Variants in AIG1 observed in about 807,000 individuals in gnomAD.
The protein encoded by AIG1 is androgen induced 1.
In AIG1, 23 loss-of-function variants were observed where a neutral mutation model predicts 31.4. The observed-to-expected ratio is 0.73, with a 90% CI of 0.53 to 1.04. The LOEUF is 1.04. Ranked by LOEUF, AIG1 falls within the 50% of genes least tolerant of loss-of-function variation. AIG1 has a pLI of 0.00. For missense variants in AIG1, 274 were observed against 295.0 expected (o/e 0.93, Z 0.52); for synonymous variants, 100 against 110.5 (o/e 0.90, Z 0.60).
At position 143,268,953 on chromosome 6, in the gene AIG1, A is replaced by C. The variant is rs1388565530; in HGVS notation, c.400-15157A>C. On this transcript the variant is annotated intron_variant, in intron 3 of 5. Coordinates refer to ENST00000357847, the MANE Select transcript of AIG1 (RefSeq NM_016108.4). The surrounding 1 kb of genome is among the most constrained non-coding windows in gnomAD (Gnocchi z 5.0). ...GCAGCCCTCATCCCATAACTGGTCC[A>C]TGCTGGGGTATAAAGACCTGACCCA... Among the ~76,000 whole-genome samples the C allele has an allele frequency of 6.6e-6, 1 of 152,154 alleles. No homozygotes were observed. Among genetic ancestry groups the C allele is most frequent in the Non-Finnish European group, 1.5e-5 (1 of 68,020 alleles).
At chr6:143,151,984 T>C (rs1410702383) in intron 2 of AIG1, among the ~76,000 whole-genome samples, 1 of 152,248 alleles carries the variant, frequency 6.6e-6, no homozygotes, top group African/African-American at 2.4e-5. Flanking sequence ...TGATGCATTA[T>C]TGCTCTTTAA....
chr6:143,196,389 ACACACACC>A lies in AIG1; in HGVS notation c.399+31208_399+31215del, dbSNP rs1471928271. ...CACACACACACACACACACACACAC[ACACACACC>A]CCAATTTGATAAGTTGGAAAACTGG... On this transcript the variant is annotated intron_variant, in intron 3 of 5. Coordinates refer to ENST00000357847, the MANE Select transcript of AIG1 (RefSeq NM_016108.4). Among the ~76,000 whole-genome samples, 464 of 135,274 alleles carry A rather than the reference ACACACACC, an allele frequency of 3.4e-3. 7 individuals carry two copies. The East Asian group carries it at 0.066, about 19-fold the overall frequency. 88.7% of individuals were successfully genotyped at this position (135,274 alleles called of 152,430 possible).
At chr6:143,306,072 T>G (rs947605759) in intron 4 of AIG1, among the ~76,000 whole-genome samples, 5 of 148,838 alleles carry the variant, frequency 3.4e-5, no homozygotes, top group African/African-American at 1.0e-4. Context: ...GTTTTCCATT[T>G]GCTTGGTAGA....
intron 3 of AIG1, among the ~76,000 whole-genome samples, chr6:143,200,053 T>C (rs1790572911): frequency 6.6e-6 from 1 of 152,166 alleles, no homozygotes; most frequent in Non-Finnish European, 1.5e-5. Flanking sequence ...TCTGGATGTC[T>C]CATTAGAGTA....
At chr6:143,250,478 A>G (rs776388648) in intron 3 of AIG1, among the ~76,000 whole-genome samples, 1 of 152,228 alleles carries the variant, frequency 6.6e-6, no homozygotes, top group African/African-American at 2.4e-5. Flanking sequence ...ATAACCTATT[A>G]TGGCAAAAGA....
chr6:143,245,079 T>G (rs1035183553), intron 3 of AIG1, among the ~76,000 whole-genome samples: 4 of 152,226 alleles, frequency 2.6e-5, no homozygotes, highest in African/African-American at 9.6e-5. Context: ...TGGAGAACGG[T>G]GGGTCACCCA....
In AIG1 at chr6:143,288,521, A is replaced by T. The variant is rs1337024698; in HGVS notation, c.515+4296A>T. Among the ~76,000 whole-genome samples the T allele has an allele frequency of 2.6e-5, 4 of 152,186 alleles. No homozygotes were observed. The highest frequency in any genetic ancestry group is 5.9e-5 in the Non-Finnish European group (4 of 68,036). ...TGAGTGTATTTAAAGCAAAATAGAG[A>T]TGTCTGTTGTCTCTGCACCCTAGTG... On this transcript the variant is annotated intron_variant, in intron 4 of 5. Transcript: ENST00000357847. The surrounding 1 kb of genome is among the most constrained non-coding windows in gnomAD (Gnocchi z 4.4).
intron 2 of AIG1, among the ~76,000 whole-genome samples, chr6:143,152,704 G>A (rs1785346647): frequency 6.6e-6 from 1 of 152,174 alleles, no homozygotes; most frequent in African/African-American, 2.4e-5. Flanking sequence ...GATCTCACCT[G>A]TGTGAGGCAT....
Position 143,136,824 on chromosome 6 carries a change from T to TC in AIG1, c.142-6dup. The TC allele has an allele frequency of 7.3e-7, 1 of 1,368,606 alleles. No homozygotes were observed. Among genetic ancestry groups the TC allele is most frequent in the South Asian group, 2.1e-5 (1 of 46,522 alleles). 84.8% of individuals were successfully genotyped at this position (1,368,606 alleles called of 1,614,324 possible). The stretch of plus-strand genomic sequence containing the variant: ...TCTTAATGACTCATACCGGCTGTTG[T>TC]CCCCCTACAGGTTATCCAGGCTGTC... On this transcript the variant is annotated splice_polypyrimidine_tract_variant and intron_variant, in intron 1 of 5. Transcript: ENST00000357847.
chr6:143,318,805 A>C (rs967498850), intron 4 of AIG1, among the ~76,000 whole-genome samples: 7 of 152,168 alleles, frequency 4.6e-5, no homozygotes, highest in Admixed American at 4.6e-4. Flanking sequence ...TCCCATTAAA[A>C]AGTGGGCTAA....
Position 143,293,945 on chromosome 6 carries a change from C to G in AIG1, c.515+9720C>G, listed in dbSNP as rs1009888521. Among the ~76,000 whole-genome samples, 1 of 152,140 alleles carries G rather than the reference C, an allele frequency of 6.6e-6. No homozygotes were observed. The highest frequency in any genetic ancestry group is 6.6e-5 in the Admixed American group (1 of 15,264). On this transcript the variant is annotated intron_variant, in intron 4 of 5. Transcript: ENST00000357847. The surrounding 1 kb of genome is among the most constrained non-coding windows in gnomAD (Gnocchi z 4.8). ...CCCCTCCACCTCCACCTCACTCTCC[C>G]AGTCCTCCCAGCAGATGGCCTGGCC...
At chr6:143,066,796 G>A (rs961396764) in intron 1 of AIG1, among the ~76,000 whole-genome samples, 1 of 152,146 alleles carries the variant, frequency 6.6e-6, no homozygotes. Flanking sequence ...AAGAAAGGAG[G>A]TATAACAATT....
intron 1 of AIG1, among the ~76,000 whole-genome samples, chr6:143,113,559 C>A (rs959431022): frequency 3.3e-5 from 5 of 150,152 alleles, no homozygotes; most frequent in African/African-American, 1.2e-4. Context: ...GCCGAGATCA[C>A]GCCACTGCAC....
chr6:143,081,376 C>T (rs1047208461), intron 1 of AIG1, among the ~76,000 whole-genome samples: 1 of 152,088 alleles, frequency 6.6e-6, no homozygotes, highest in Non-Finnish European at 1.5e-5. Flanking sequence ...GGAATTATTT[C>T]ATGAATTAGT....
chr6:143,229,339 A>G (rs1562508466), intron 3 of AIG1, among the ~76,000 whole-genome samples: 1 of 152,222 alleles, frequency 6.6e-6, no homozygotes, highest in Non-Finnish European at 1.5e-5. Context: ...GGTGAAAGAC[A>G]TATTCACTTC....
intron 3 of AIG1, among the ~76,000 whole-genome samples, chr6:143,269,567 A>G (rs1298979635): frequency 3.9e-5 from 6 of 152,218 alleles, no homozygotes; most frequent in African/African-American, 1.2e-4. Context: ...ACTGGAGAGA[A>G]CCACAGTGTC....
chr6:143,197,509 T>G (rs568450674), intron 3 of AIG1, among the ~76,000 whole-genome samples: 2 of 152,336 alleles, frequency 1.3e-5, no homozygotes, highest in Admixed American at 6.5e-5. Context: ...GGCATACTGA[T>G]CCTTATACTC....
intron 4 of AIG1, among the ~76,000 whole-genome samples, chr6:143,300,105 A>C (rs887331965): frequency 6.6e-6 from 1 of 152,204 alleles, no homozygotes; most frequent in Non-Finnish European, 1.5e-5. Context: ...TAAAGGAATA[A>C]ATCAGTGAAT....
intron 2 of AIG1, among the ~76,000 whole-genome samples, chr6:143,142,500 G>C (rs887131185): frequency 2.6e-5 from 4 of 152,202 alleles, no homozygotes; most frequent in Non-Finnish European, 5.9e-5. Flanking sequence ...TGGTTTGGTT[G>C]CTCTAGCCCC....
Sources: gnomAD v4.1 joint callset for allele counts (sites outside exome capture counted in the v4.1 genomes callset) on GRCh38, gnomAD v4.1.1 for gene constraint, Gnocchi (gnomAD v3.1) non-coding constraint, MANE v1.5 for transcripts, NCBI Gene and HGNC (gene_info 2026-07-23, HGNC 2026-07-21) for gene names.